Variants in CHKA observed in about 807,000 individuals in gnomAD.
CHKA encodes CHETK-alpha.
In CHKA, 34 loss-of-function variants were observed where a neutral mutation model predicts 60.1. That is an observed-to-expected ratio of 0.57 (90% CI 0.43 to 0.75). CHKA has a LOEUF of 0.75. Ranked by LOEUF, CHKA falls within the 30% of genes least tolerant of loss-of-function variation. CHKA has a pLI of 0.00. For synonymous variants in CHKA, 217 were observed against 223.1 expected (o/e 0.97, Z 0.24); for missense variants, 563 against 561.3 (o/e 1.00, Z -0.03).
intron 7 of CHKA, among the ~76,000 whole-genome samples, chr11:68,067,075 T>C (rs193264834): frequency 3.2e-4 from 49 of 152,232 alleles, no homozygotes; most frequent in African/African-American, 1.2e-3. Context: ...TTTGCTTTAG[T>C]ATTGGATTCT....
chr11:68,073,037 G>C (rs113271059), intron 4 of CHKA, among the ~76,000 whole-genome samples: 36 of 152,248 alleles, frequency 2.4e-4, no homozygotes, highest in African/African-American at 8.4e-4. Flanking sequence ...CAAGAGCATA[G>C]ATAGAACTTA....
chr11:68,061,871 G>T, intron 11 of CHKA, 82 bp downstream of exon 11: 1 of 981,452 alleles, frequency 1.0e-6, no homozygotes, highest in Non-Finnish European at 1.6e-6. Context: ...ACAGTCATTT[G>T]CTGCCAACAT....
At chr11:68,103,666 C>T (rs1277742720) in intron 1 of CHKA, among the ~76,000 whole-genome samples, 1 of 151,752 alleles carries the variant, frequency 6.6e-6, no homozygotes, top group Non-Finnish European at 1.5e-5. Context: ...AATCCCCGCA[C>T]TTTGGAAGGC....
At chr11:68,112,155 TG>T (rs991998116) in intron 1 of CHKA, among the ~76,000 whole-genome samples, 7 of 142,756 alleles carry the variant, frequency 4.9e-5, no homozygotes, top group Middle Eastern at 4.2e-3. Flanking sequence ...TAAATCAAAA[TG>T]GATCATAAAG....
At position 68,121,182 on chromosome 11, in the gene CHKA, G is replaced by A. The variant is rs1372253885; in HGVS notation, c.-5C>T. The A allele has an allele frequency of 1.7e-6, 2 of 1,180,116 alleles. No individual in the cohort carries two copies. The highest frequency in any genetic ancestry group is 4.5e-5 in the Admixed American group (1 of 22,094). 73.1% of individuals were successfully genotyped at this position (1,180,116 alleles called of 1,614,324 possible). A position where few individuals can be genotyped will look rare whatever the true frequency, so the allele number is the denominator to read the frequency against. On this transcript the variant is annotated 5_prime_UTR_variant, in exon 1 of 12. Coordinates refer to ENST00000265689, the MANE Select transcript of CHKA (RefSeq NM_001277.3). ...GGTGCAGAATTTGGTTTTCATGCCC[G>A]ACAGGCGGCCGAGGAGGCGCGGGCG... is the stretch of plus-strand genomic sequence containing the variant.
chr11:68,053,687 G>A lies in CHKA; in HGVS notation c.*301C>T. ...CTCTTGCTGTTTGCCTCATCTGACT[G>A]GAAACCTTAGCCCCCAAATATGAAA... On this transcript the variant is annotated 3_prime_UTR_variant, in exon 12 of 12. Coordinates refer to ENST00000265689, the MANE Select transcript of CHKA (RefSeq NM_001277.3). 3.0e-6 allele frequency: 1 copy of A among 336,682 alleles called. No homozygotes were observed. The highest frequency in any genetic ancestry group is 5.5e-6 in the Non-Finnish European group (1 of 181,596). 20.9% of individuals were successfully genotyped at this position (336,682 alleles called of 1,614,324 possible).
At chr11:68,102,655 T>A (rs1178498160) in intron 1 of CHKA, among the ~76,000 whole-genome samples, 1 of 152,100 alleles carries the variant, frequency 6.6e-6, no homozygotes, top group Non-Finnish European at 1.5e-5. Context: ...GGAATTTTTT[T>A]TAAAAGACCT....
intron 2 of CHKA, among the ~76,000 whole-genome samples, chr11:68,085,227 T>TA (rs561535568): frequency 9.3e-5 from 14 of 150,702 alleles, no homozygotes; most frequent in African/African-American, 1.5e-4. Flanking sequence ...GGTGAAACTT[T>TA]AAAAAAAAAA....
At chr11:68,070,491 T>C (rs891450602) in intron 5 of CHKA, among the ~76,000 whole-genome samples, 198 bp from the exon 6 acceptor site, 1 of 152,164 alleles carries the variant, frequency 6.6e-6, no homozygotes, top group African/African-American at 2.4e-5. Context: ...GACTTTCTTC[T>C]GTCCCTTCAC....
At position 68,121,159 on chromosome 11, in the gene CHKA, T is replaced by A; in HGVS notation, c.19A>T (p.Thr7Ser). The A allele has an allele frequency of 8.3e-7, 1 of 1,205,726 alleles. No individual in the cohort carries two copies. The highest frequency in any genetic ancestry group is 1.6e-5 in the African/African-American group (1 of 60,918). The allele number at this position is 1,205,726 out of a possible 1,614,324, so 74.7% of individuals were successfully genotyped here. Residue 7 changes from threonine (T) to serine (S), a missense_variant, in exon 1 of 12, where the codon ACC becomes TCC. Transcript: ENST00000265689. MKTKFC[T>S]GGEAEPSPLG... is the part of the protein sequence containing the mutation. ...GGCGAGGGCTCCGCCTCGCCCCCGG[T>A]GCAGAATTTGGTTTTCATGCCCGAC...
At chr11:68,120,532 G>GT (rs1858585317) in intron 1 of CHKA, among the ~76,000 whole-genome samples, 1 of 152,228 alleles carries the variant, frequency 6.6e-6, no homozygotes, top group Non-Finnish European at 1.5e-5. Context: ...CACGCACTTC[G>GT]TGATGGAACG....
In CHKA at chr11:68,070,804, G is replaced by T. The variant is rs374838678; in HGVS notation, c.684C>A (p.Ile228=). The T allele has an allele frequency of 8.6e-5, 138 of 1,612,662 alleles. No homozygotes were observed. The highest frequency in any genetic ancestry group is 1.1e-4 in the Non-Finnish European group (133 of 1,178,906). The part of the protein sequence containing the change: ...ELSLPDISAE[I]AEKMATFHGM... ...CATGAAATGTAGCCATTTTCTCGGC[G>T]ATTTCTGCAGAAATATCTGGCAAAC... Residue 228 remains isoleucine (I), a synonymous_variant, in exon 5 of 12, where the codon ATC becomes ATA. Coordinates refer to ENST00000265689, the MANE Select transcript of CHKA (RefSeq NM_001277.3).
chr11:68,108,062 T>C (rs1034017771), intron 1 of CHKA, among the ~76,000 whole-genome samples: 9 of 152,130 alleles, frequency 5.9e-5, no homozygotes, highest in African/African-American at 2.2e-4. Context: ...CTGACGGGGC[T>C]CCACTGGAGG....
chr11:68,071,722 C>A (rs1369107773), intron 4 of CHKA, among the ~76,000 whole-genome samples: 1 of 152,256 alleles, frequency 6.6e-6, no homozygotes, highest in Non-Finnish European at 1.5e-5. Context: ...CAAGTTACCT[C>A]ATACATCTGT....
intron 1 of CHKA, among the ~76,000 whole-genome samples, chr11:68,098,271 C>CAAAAAAAAAAAAAAAAAAAA (rs57972693): frequency 3.3e-5 from 4 of 120,736 alleles, no homozygotes; most frequent in Admixed American, 8.6e-5. Flanking sequence ...ACTCCTATCT[C>CAAAAAAAAAAAAAAAAAAAA]AAAAAAAAAA....
intron 4 of CHKA, among the ~76,000 whole-genome samples, chr11:68,072,804 G>GTCTTGAACAGCAA (rs1856663515): frequency 6.6e-6 from 1 of 151,936 alleles, no homozygotes; most frequent in Non-Finnish European, 1.5e-5. Flanking sequence ...GACCAGCCAG[G>GTCTTGAACAGCAA]GTAACACAGC....
chr11:68,107,069 T>C (rs1199932657), intron 1 of CHKA, among the ~76,000 whole-genome samples: 1 of 152,068 alleles, frequency 6.6e-6, no homozygotes, highest in Non-Finnish European at 1.5e-5. Flanking sequence ...CTGGCCAATA[T>C]GGTGAAACCC....
chr11:68,117,989 C>T (rs1447370453), intron 1 of CHKA, among the ~76,000 whole-genome samples: 1 of 152,124 alleles, frequency 6.6e-6, no homozygotes, highest in Non-Finnish European at 1.5e-5. Flanking sequence ...GGGGCTCTGG[C>T]CAGGCTGCTG....
Position 68,068,894 on chromosome 11 carries a change from T to C in CHKA, c.913A>G (p.Asn305Asp). ...CAATTCTTACCTTCTTGACAGTCAT[T>C]ATGACAAAATACAACTGGAGATGGA... ...STPSPVVFCHNDCQEGNILLL... is the reference protein window; with the variant it reads ...STPSPVVFCHDDCQEGNILLL... Residue 305 changes from asparagine to aspartate, a missense_variant, in exon 7 of 12, where the codon AAT becomes GAT. By Grantham distance (23) the Asn-to-Asp change is conservative (BLOSUM62 1). Transcript: ENST00000265689. The C allele has an allele frequency of 6.2e-7, 1 of 1,612,208 alleles. No homozygotes were observed. Among genetic ancestry groups the C allele is most frequent in the Non-Finnish European group, 8.5e-7 (1 of 1,178,586 alleles).
Sources: allele counts gnomAD v4.1 joint callset (sites outside exome capture counted in the v4.1 genomes callset), GRCh38; gene constraint gnomAD v4.1.1; transcripts MANE v1.5; gene names NCBI Gene and HGNC (gene_info 2026-07-23, HGNC 2026-07-21).